The following LRP1 variants were observed in gnomAD, a reference collection of about 807,000 sequenced individuals.
The protein encoded by LRP1 is prolow-density lipoprotein receptor-related protein 1.
In LRP1, 51 loss-of-function variants were observed where a neutral mutation model predicts 541.5. The observed-to-expected ratio is 0.09, with a 90% CI of 0.08 to 0.12. The LOEUF is 0.12. Ranked by LOEUF, LRP1 falls within the 10% of genes least tolerant of loss-of-function variation. The pLI is 1.00. For synonymous variants in LRP1, 2,219 were observed against 2,470.8 expected, an observed-to-expected ratio of 0.90 and a Z score of 3.02; for missense variants, 3,878 against 6,376.2, an observed-to-expected ratio of 0.61 and a Z score of 13.34.
rs372997788 is a variant in LRP1, at chr12:57,187,286, C to T, written c.6861C>T (p.Gly2287=). Residue 2287 remains glycine (G), a synonymous_variant, in exon 42 of 89, where the codon GGC becomes GGT. Transcript: ENST00000243077. ...TIVENVGSVE[G]LAYHRGWDTL... is the part of the protein sequence containing the mutation. ...TCACAGACGTGGGCTCCGTGGAAGG[C>T]CTGGCCTATCACCGTGGCTGGGACA... The T allele has an allele frequency of 1.2e-6, 2 of 1,613,598 alleles. No individual in the cohort carries two copies. Among genetic ancestry groups the T allele is most frequent in the Non-Finnish European group, 1.7e-6 (2 of 1,179,728 alleles).
chr12:57,187,277 C>T lies in LRP1; in HGVS notation c.6852C>T (p.Ser2284=), dbSNP rs201889275. ...CCTGTCTCTTCACAGACGTGGGCTC[C>T]GTGGAAGGCCTGGCCTATCACCGTG... is the stretch of plus-strand genomic sequence containing the variant. ...RRITIVENVG[S]VEGLAYHRGW... The change falls in exon 42 of 89, where the codon TCC becomes TCT. Residue 2284 remains serine (S), a synonymous_variant. Transcript: ENST00000243077. 2.0e-5 allele frequency: 32 copies of T among 1,612,912 alleles called. No homozygotes were observed. The Admixed American group carries it at 5.2e-4, about 26-fold the overall frequency.
At chr12:57,210,654 C>A in intron 82 of LRP1, 64 bp from the exon 83 acceptor site, 2 of 1,549,954 alleles carry the variant, frequency 1.3e-6, no homozygotes, top group Non-Finnish European at 1.8e-6. Flanking sequence ...CCAGCCCATT[C>A]CTCTGCTATA....
chr12:57,162,845 C>T lies in LRP1; in HGVS notation c.2405-13C>T. The T allele has an allele frequency of 6.2e-7, 1 of 1,602,848 alleles. No individual in the cohort carries two copies. Among genetic ancestry groups the T allele is most frequent in the African/African-American group, 1.3e-5 (1 of 74,892 alleles). ...TTCCTCCCTTTGCCTTTCCCCATGG[C>T]CCTTCCCCACAGTTGGCACCAACAA... On this transcript the variant is annotated splice_polypyrimidine_tract_variant and intron_variant, in intron 14 of 88. Coordinates refer to ENST00000243077, the MANE Select transcript of LRP1 (RefSeq NM_002332.3). The surrounding 1 kb of genome is among the most constrained non-coding windows in gnomAD (Gnocchi z 5.2).
chr12:57,187,552 C>A, intron 42 of LRP1, 96 bp downstream of exon 42: 1 of 1,254,652 alleles, frequency 8.0e-7, no homozygotes, highest in Non-Finnish European at 1.1e-6. Flanking sequence ...GCAGGAGAGG[C>A]AGGCCCTCAC....
In LRP1 at chr12:57,205,467, G is replaced by A. The variant is rs146939487; in HGVS notation, c.11452G>A (p.Gly3818Ser). Residue 3818 changes from glycine to serine, a missense_variant, in exon 74 of 89, where the codon GGC (glycine) becomes AGC (serine). Gly to Ser is a moderately conservative substitution (Grantham distance 56). This residue lies in a region of LRP1 where 871 missense variants were observed against 1,212.4 expected (regional missense o/e 0.72). Transcript: ENST00000243077. This position sits in a 1 kb window ranked among gnomAD's most constrained non-coding sequence, Gnocchi z 4.6. The part of the protein sequence containing the change: ...ACRSGFHTVP[G>S]QPGCQDINEC... The stretch of plus-strand genomic sequence containing the variant: ...CCGCTCGGGCTTCCACACCGTGCCC[G>A]GCCAGCCCGGATGCCAAGGTAGGAA... 58 of 1,610,850 alleles carry A rather than the reference G, an allele frequency of 3.6e-5. No homozygotes were observed. The Admixed American group carries it at 4.8e-4, about 13-fold the overall frequency.
In LRP1 at chr12:57,176,015, C is replaced by T. The variant is rs753938013; in HGVS notation, c.3900C>T (p.Ile1300=). 3.9e-5 allele frequency: 63 copies of T among 1,614,102 alleles called. No individual in the cohort carries two copies. The highest frequency in any genetic ancestry group is 6.7e-5 in the Admixed American group (4 of 60,012). ...TGGTGCCCGGCCTGCGCAACACCAT[C>T]GCCCTGGACTTCCACCTCAGCCAGA... The part of the protein sequence containing the change: ...SVLVPGLRNT[I]ALDFHLSQSA... Residue 1300 remains isoleucine (I), a synonymous_variant, in exon 24 of 89, where the codon ATC becomes ATT. Coordinates refer to ENST00000243077, the MANE Select transcript of LRP1 (RefSeq NM_002332.3).
At chr12:57,166,342 C>G in intron 17 of LRP1, 133 bp downstream of exon 17, 1 of 1,241,344 alleles carries the variant, frequency 8.1e-7, no homozygotes, top group Non-Finnish European at 1.1e-6. Flanking sequence ...ATCACTTGAG[C>G]CCAGGAGCTC....
Position 57,183,430 on chromosome 12 carries a change from C to T in LRP1, c.5714C>T (p.Pro1905Leu). Reference protein sequence around the residue: ...YSVHEGIRGIPLDPNDKSDAL... With the variant: ...YSVHEGIRGILLDPNDKSDAL... ...GTGCATGAGGGAATCAGGGGAATTC[C>T]CCTGGATCCCAATGACAAGTCAGAT... The change falls in exon 35 of 89, where the codon CCC becomes CTC. Residue 1905 changes from proline to leucine, a missense_variant. Pro to Leu is a moderately conservative substitution (Grantham distance 98). This residue lies in a region of LRP1 where 394 missense variants were observed against 635.9 expected (regional missense o/e 0.62). Coordinates refer to ENST00000243077, the MANE Select transcript of LRP1 (RefSeq NM_002332.3). This position sits in a 1 kb window ranked among gnomAD's most constrained non-coding sequence, Gnocchi z 6.1. The T allele has an allele frequency of 6.2e-7, 1 of 1,614,162 alleles. No individual in the cohort carries two copies. Among genetic ancestry groups the T allele is most frequent in the Non-Finnish European group, 8.5e-7 (1 of 1,179,998 alleles).
In LRP1 at chr12:57,184,085, G is replaced by A; in HGVS notation, c.5930G>A (p.Gly1977Asp). ...TGAGCCCCACCAACTCCCTCCTTAG[G>A]CAACATCTACTGGACAGACCAGGGC... ...VEGIAVDWIA[G>D]NIYWTDQGFD... Residue 1977 changes from glycine (G) to aspartate (D), a missense_variant and splice_region_variant, in exon 37 of 89, where the codon GGC (glycine) becomes GAC (aspartate). This residue lies in a region of LRP1 where 394 missense variants were observed against 635.9 expected (regional missense o/e 0.62). Transcript: ENST00000243077. This position sits in a 1 kb window ranked among gnomAD's most constrained non-coding sequence, Gnocchi z 7.8. 1 of 1,613,514 alleles carries A rather than the reference G, an allele frequency of 6.2e-7. No individual in the cohort carries two copies. The highest frequency in any genetic ancestry group is 8.5e-7 in the Non-Finnish European group (1 of 1,179,698).
intron 2 of LRP1, among the ~76,000 whole-genome samples, chr12:57,140,702 A>C (rs772401044): frequency 6.6e-6 from 1 of 151,904 alleles, no homozygotes; most frequent in African/African-American, 2.4e-5. Context: ...TCTGCCATGG[A>C]CCCTGCTTCC....
chr12:57,196,300 G>A (rs1275175369), intron 55 of LRP1, 23 bp downstream of exon 55: 11 of 1,542,260 alleles, frequency 7.1e-6, no homozygotes, highest in African/African-American at 6.8e-5. Flanking sequence ...CTGGGGAGGA[G>A]CTTCCACACC....
chr12:57,184,771 G>C lies in LRP1; in HGVS notation c.6187-68G>C, dbSNP rs2036235416. On this transcript the variant is annotated intron_variant, in intron 38 of 88. Transcript: ENST00000243077. This position sits in a 1 kb window ranked among gnomAD's most constrained non-coding sequence, Gnocchi z 7.8. ...CCTCACTCTGGCCCAGGCACTCCCTGCTGCCCCAGACATGGGGCTGGCAGC... is the reference window on the plus strand; with the variant it reads ...CCTCACTCTGGCCCAGGCACTCCCTCCTGCCCCAGACATGGGGCTGGCAGC... 1.3e-6 allele frequency: 2 copies of C among 1,538,294 alleles called. No individual in the cohort carries two copies.
At position 57,196,160 on chromosome 12, in the gene LRP1, C is replaced by T. The variant is rs139174222; in HGVS notation, c.8775C>T (p.Asn2925=). Residue 2925 remains asparagine, a synonymous_variant, in exon 55 of 89, where the codon AAC becomes AAT. Coordinates refer to ENST00000243077, the MANE Select transcript of LRP1 (RefSeq NM_002332.3). ...GTGTGGCTGAGGCACTGCTCTGCAA[C>T]GGCCAGGATGACTGTGGCGACAGCT... ...GRCVAEALLC[N]GQDDCGDSSD... The T allele has an allele frequency of 4.8e-5, 78 of 1,612,846 alleles. No homozygotes were observed. The Middle Eastern group carries it at 5.0e-4, about 10-fold the overall frequency.
intron 2 of LRP1, among the ~76,000 whole-genome samples, chr12:57,141,100 G>T (rs939020314): frequency 6.6e-6 from 1 of 152,164 alleles, no homozygotes; most frequent in Non-Finnish European, 1.5e-5. Flanking sequence ...TGTCTCCTGA[G>T]CATAGAATGT....
At chr12:57,161,645 C>G (rs1199083107) in intron 13 of LRP1, among the ~76,000 whole-genome samples, 2 of 152,130 alleles carry the variant, frequency 1.3e-5, no homozygotes, top group African/African-American at 4.8e-5. Context: ...TTTGAACAAG[C>G]AGCACTAGAC....
Position 57,138,338 on chromosome 12 carries a change from C to T in LRP1, c.68-121C>T, listed in dbSNP as rs575208849. The T allele has an allele frequency of 4.8e-6, 6 of 1,246,840 alleles. No homozygotes were observed. The African/African-American group carries it at 6.0e-5, about 12-fold the overall frequency. The allele number at this position is 1,246,840 out of a possible 1,614,324, so 77.2% of individuals were successfully genotyped here. Reference sequence around the variant, plus strand: ...ACACCCCCAGGCACATAGACCATGGCTGAGGGTCTGGGCCAGATGGAGACT... The same window carrying T: ...ACACCCCCAGGCACATAGACCATGGTTGAGGGTCTGGGCCAGATGGAGACT... On this transcript the variant is annotated intron_variant, in intron 1 of 88. Transcript: ENST00000243077.
At position 57,180,034 on chromosome 12, in the gene LRP1, AC is replaced by A. The variant is rs773752710; in HGVS notation, c.5142-10del. 2 of 1,612,974 alleles carry A rather than the reference AC, an allele frequency of 1.2e-6. No homozygotes were observed. Among genetic ancestry groups the A allele is most frequent in the Non-Finnish European group, 1.7e-6 (2 of 1,179,630 alleles). ...AGGACCCTGACCTTTCCCTCTTGGC[AC>A]CCTCCCCCCAGGAAGCTCTACTGGA... On this transcript the variant is annotated splice_polypyrimidine_tract_variant and intron_variant, in intron 30 of 88. Coordinates refer to ENST00000243077, the MANE Select transcript of LRP1 (RefSeq NM_002332.3).
At chr12:57,137,169 A>G (rs1244931208) in intron 1 of LRP1, among the ~76,000 whole-genome samples, 3 of 150,546 alleles carry the variant, frequency 2.0e-5, no homozygotes, top group African/African-American at 7.3e-5. Flanking sequence ...TGAACCCGGG[A>G]GGCAGGGGTT....
chr12:57,171,915 T>C (rs1328870904), intron 20 of LRP1, among the ~76,000 whole-genome samples: 1 of 152,022 alleles, frequency 6.6e-6, no homozygotes, highest in Non-Finnish European at 1.5e-5. Flanking sequence ...GGCCCTGCCC[T>C]CCAGCCTGTA....
Sources: gnomAD v4.1 joint callset for allele counts (sites outside exome capture counted in the v4.1 genomes callset) on GRCh38, gnomAD v4.1.1 for gene constraint, gnomAD v4.1.1 regional missense constraint, Gnocchi (gnomAD v3.1) non-coding constraint, MANE v1.5 for transcripts, NCBI Gene and HGNC (gene_info 2026-07-23, HGNC 2026-07-21) for gene names.